The following FOLH1 variants were observed in gnomAD, a reference collection of about 807,000 sequenced individuals.
FOLH1 encodes the protein folate hydrolase 1.
In FOLH1, 54 loss-of-function variants were observed where a neutral mutation model predicts 93.9. That is an observed-to-expected ratio of 0.57 (90% confidence interval 0.46 to 0.72). The LOEUF (loss-of-function observed/expected upper bound fraction) is 0.72. Ranked by LOEUF, FOLH1 falls within the 30% of genes least tolerant of loss-of-function variation. FOLH1 has a pLI of 0.00. For missense variants in FOLH1, 571 were observed against 892.5 expected, an observed-to-expected ratio of 0.64 and a Z score of 4.59; for synonymous variants, 249 against 303.6, an observed-to-expected ratio of 0.82 and a Z score of 1.87.
chr11:49,157,000 G>A (rs921494812), intron 14 of FOLH1, among the ~76,000 whole-genome samples, 193 bp from the exon 15 acceptor site: 5 of 152,044 alleles, frequency 3.3e-5, no homozygotes, highest in Admixed American at 1.3e-4. Context: ...AGACTATTTC[G>A]TGTAGGAATG....
At chr11:49,157,315 A>G (rs2134932847) in intron 14 of FOLH1, among the ~76,000 whole-genome samples, 1 of 152,136 alleles carries the variant, frequency 6.6e-6, no homozygotes, top group East Asian at 1.9e-4. Context: ...GATATTCAGA[A>G]AAAGGATAAT....
intron 18 of FOLH1, among the ~76,000 whole-genome samples, chr11:49,147,230 C>A (rs1432979252): frequency 6.6e-6 from 1 of 152,172 alleles, no homozygotes; most frequent in South Asian, 2.1e-4. Context: ...TGTTTACTTG[C>A]AATTTTTCTG....
chr11:49,179,141 T>A (rs1252430166), intron 7 of FOLH1, among the ~76,000 whole-genome samples: 1 of 152,082 alleles, frequency 6.6e-6, no homozygotes, highest in Non-Finnish European at 1.5e-5. Flanking sequence ...ATTTTAAAGA[T>A]GAATAAGGGC....
At chr11:49,184,609 C>T (rs1281302310) in intron 6 of FOLH1, among the ~76,000 whole-genome samples, 1 of 152,022 alleles carries the variant, frequency 6.6e-6, no homozygotes, top group Non-Finnish European at 1.5e-5. Flanking sequence ...AAAAAAATCT[C>T]TGACAATGTA....
At chr11:49,190,126 G>GTAAA (rs1050485962) in intron 4 of FOLH1, among the ~76,000 whole-genome samples, 1 of 152,130 alleles carries the variant, frequency 6.6e-6, no homozygotes, top group Non-Finnish European at 1.5e-5. Flanking sequence ...TTTTTTTAGT[G>GTAAA]TAAATATCCT....
intron 4 of FOLH1, among the ~76,000 whole-genome samples, chr11:49,191,037 G>T (rs1288279476): frequency 2.0e-5 from 3 of 152,184 alleles, no homozygotes; most frequent in Non-Finnish European, 4.4e-5. Context: ...GGTTGGCCGG[G>T]TGCGGAGGCA....
intron 4 of FOLH1, among the ~76,000 whole-genome samples, chr11:49,191,099 C>T (rs1861979352): frequency 6.6e-6 from 1 of 152,138 alleles, no homozygotes; most frequent in Non-Finnish European, 1.5e-5. Context: ...GCAAGCTCCA[C>T]CTCCCGCGTT....
At position 49,208,434 on chromosome 11, in the gene FOLH1, C is replaced by T; in HGVS notation, c.-25G>A. On this transcript the variant is annotated 5_prime_UTR_variant, in exon 1 of 19. Transcript: ENST00000256999. ...TCTCGGCGCGAGCAGAGCCGGCCTC[C>T]CGGGACCCGCGCCTGTGCTGCTGCT... The T allele has an allele frequency of 6.5e-7, 1 of 1,534,674 alleles. No individual in the cohort carries two copies. Among genetic ancestry groups the T allele is most frequent in the African/African-American group, 1.4e-5 (1 of 73,024 alleles).
intron 18 of FOLH1, 53 bp downstream of exon 18, chr11:49,148,586 T>A: frequency 7.4e-7 from 1 of 1,348,444 alleles, no homozygotes; most frequent in South Asian, 1.3e-5. Flanking sequence ...AAAATAAAAA[T>A]AATTAGAAGA....
chr11:49,160,020 C>A (rs376757805), intron 13 of FOLH1, among the ~76,000 whole-genome samples: 113 of 151,826 alleles, frequency 7.4e-4, no homozygotes, highest in African/African-American at 2.7e-3. Context: ...TCACGCAATT[C>A]TCCTGCTTCA....
chr11:49,149,213 C>A (rs1313458805), intron 17 of FOLH1, among the ~76,000 whole-genome samples: 1 of 152,126 alleles, frequency 6.6e-6, no homozygotes, highest in East Asian at 1.9e-4. Flanking sequence ...AACTACCAAA[C>A]AAATTAAATT....
At position 49,146,709 on chromosome 11, in the gene FOLH1, G is replaced by C. The variant is rs1855804728; in HGVS notation, c.*47C>G. On this transcript the variant is annotated 3_prime_UTR_variant, in exon 19 of 19. Coordinates refer to ENST00000256999, the MANE Select transcript of FOLH1 (RefSeq NM_004476.3). ...CAATATACCCATTACGATTCTTTCT[G>C]AGTGACATACCACACAAATTCAATA... 1.3e-6 allele frequency: 2 copies of C among 1,531,842 alleles called. No individual in the cohort carries two copies. Among genetic ancestry groups the C allele is most frequent in the African/African-American group, 2.8e-5 (2 of 72,054 alleles). The allele number at this position is 1,531,842 out of a possible 1,614,324, so 94.9% of individuals were successfully genotyped here.
intron 13 of FOLH1, among the ~76,000 whole-genome samples, chr11:49,160,373 G>A (rs1312967051): frequency 6.6e-6 from 1 of 151,826 alleles, no homozygotes; most frequent in East Asian, 1.9e-4. Context: ...CTAGCTTTGG[G>A]GTTTGTTTGC....
intron 7 of FOLH1, among the ~76,000 whole-genome samples, chr11:49,180,814 A>G (rs1298185708): frequency 6.6e-6 from 1 of 152,202 alleles, no homozygotes; most frequent in Non-Finnish European, 1.5e-5. Context: ...AATAGTGTCT[A>G]TTTTTAATTA....
At position 49,175,015 on chromosome 11, in the gene FOLH1, C is replaced by T. The variant is rs147216391; in HGVS notation, c.1020-38G>A. The T allele has an allele frequency of 3.4e-6, 5 of 1,487,128 alleles. No homozygotes were observed. The African/African-American group carries it at 5.6e-5, about 17-fold the overall frequency. 92.1% of individuals were successfully genotyped at this position (1,487,128 alleles called of 1,614,324 possible). ...TAAAAGACATTCTTAAAAAAAAAAA[C>T]TGGTTAACAGATTAACACTATAAGG... On this transcript the variant is annotated intron_variant, in intron 8 of 18. Coordinates refer to ENST00000256999, the MANE Select transcript of FOLH1 (RefSeq NM_004476.3).
At chr11:49,205,414 TCATC>T (rs1863790658) in intron 2 of FOLH1, among the ~76,000 whole-genome samples, 1 of 152,216 alleles carries the variant, frequency 6.6e-6, no homozygotes, top group African/African-American at 2.4e-5. Context: ...CTCTTTGACT[TCATC>T]CATATCATAA....
intron 15 of FOLH1, among the ~76,000 whole-genome samples, chr11:49,154,716 A>T (rs188989889): frequency 4.6e-4 from 70 of 152,212 alleles, no homozygotes; most frequent in African/African-American, 1.5e-3. Flanking sequence ...AATATTATTT[A>T]AAAATTATTT....
rs1228802643 is a variant in FOLH1 at position 49,145,296 on chromosome 11, G to A, written c.*1460C>T. Among the ~76,000 whole-genome samples, 1 of 152,096 alleles carries A rather than the reference G, an allele frequency of 6.6e-6. No homozygotes were observed. Among genetic ancestry groups the A allele is most frequent in the African/African-American group, 2.4e-5 (1 of 41,434 alleles). On this transcript the variant is annotated 3_prime_UTR_variant, in exon 19 of 19. Coordinates refer to ENST00000256999, the MANE Select transcript of FOLH1 (RefSeq NM_004476.3). ...GAGGGTGCTTTTCAATCTGCTTTCT[G>A]TGTGCACCCTTGGCAAACTCTGGCA...
At chr11:49,149,750 T>A (rs1280459902) in intron 17 of FOLH1, among the ~76,000 whole-genome samples, 4 of 152,180 alleles carry the variant, frequency 2.6e-5, no homozygotes, top group Non-Finnish European at 1.5e-5. Context: ...ATTTTCTCAG[T>A]TAAAATACTT....
Sources: gnomAD v4.1 joint callset for allele counts (sites outside exome capture counted in the v4.1 genomes callset) on GRCh38, gnomAD v4.1.1 for gene constraint, MANE v1.5 for transcripts, NCBI Gene and HGNC (gene_info 2026-07-23, HGNC 2026-07-21) for gene names.